The following PDLIM5 variants were observed in gnomAD, a reference collection of about 807,000 sequenced individuals.
PDLIM5 encodes PDZ and LIM domain 5.
In PDLIM5, 34 loss-of-function variants were observed where a neutral mutation model predicts 64.2. The ratio of observed to expected loss-of-function variants is 0.53; its 90% confidence interval spans 0.40 to 0.71. The LOEUF (loss-of-function observed/expected upper bound fraction) is 0.71. Ranked by LOEUF, PDLIM5 falls within the 30% of genes least tolerant of loss-of-function variation. The pLI is 0.00. For missense variants in PDLIM5, 683 were observed against 733.6 expected (o/e 0.93, Z 0.80); for synonymous variants, 253 against 269.1 (o/e 0.94, Z 0.59).
chr4:94,466,962 A>G (rs1269288377), intron 2 of PDLIM5, among the ~76,000 whole-genome samples: 1 of 152,234 alleles, frequency 6.6e-6, no homozygotes, highest in African/African-American at 2.4e-5. Flanking sequence ...TTTGTTTTAC[A>G]CCTCATGATA....
At chr4:94,584,667 C>G (rs1353917036) in intron 5 of PDLIM5, 2 of 290,470 alleles carry the variant, frequency 6.9e-6, no homozygotes, top group East Asian at 6.9e-5. Flanking sequence ...GGACCCTTTT[C>G]AAAATTGTAT....
rs543247121 is a variant in PDLIM5 at position 94,452,832 on chromosome 4, C to T, written c.-43+837C>T. Reference sequence around the variant, plus strand: ...CCGCCTGCCACGGAAACGGCCCGTTCGGTAGCCTTATTTGGCCAACAAGGC... The same window carrying T: ...CCGCCTGCCACGGAAACGGCCCGTTTGGTAGCCTTATTTGGCCAACAAGGC... On this transcript the variant is annotated intron_variant, in intron 1 of 12. Transcript: ENST00000317968. Among the ~76,000 whole-genome samples the T allele has an allele frequency of 1.4e-4, 22 of 152,264 alleles. No individual in the cohort carries two copies. The South Asian group carries it at 4.2e-3, about 29-fold the overall frequency.
intron 2 of PDLIM5, among the ~76,000 whole-genome samples, chr4:94,507,520 TA>T (rs1728492838): frequency 6.6e-6 from 1 of 152,174 alleles, no homozygotes; most frequent in Non-Finnish European, 1.5e-5. Context: ...CTCATATATA[TA>T]AGGCACTCAT....
chr4:94,632,776 A>G (rs906000452), intron 8 of PDLIM5, among the ~76,000 whole-genome samples: 1 of 152,168 alleles, frequency 6.6e-6, no homozygotes, highest in Non-Finnish European at 1.5e-5. Context: ...TGTGAAAACA[A>G]TTCAACCCAT....
intron 1 of PDLIM5, among the ~76,000 whole-genome samples, chr4:94,453,825 A>G (rs1395053172): frequency 6.6e-6 from 1 of 152,066 alleles, no homozygotes; most frequent in Admixed American, 6.5e-5. Flanking sequence ...GATCTTTTTT[A>G]GTGCTCTGTG....
chr4:94,519,310 T>C (rs1475024113), intron 2 of PDLIM5, among the ~76,000 whole-genome samples: 2 of 152,168 alleles, frequency 1.3e-5, no homozygotes, highest in Non-Finnish European at 2.9e-5. Flanking sequence ...TAAACAATAA[T>C]ATTGAGCATT....
intron 3 of PDLIM5, among the ~76,000 whole-genome samples, chr4:94,556,212 A>G (rs527955664): frequency 1.3e-5 from 2 of 152,226 alleles, no homozygotes; most frequent in Admixed American, 6.5e-5. Flanking sequence ...AGCTTCATCA[A>G]TGTCCCTACA....
intron 2 of PDLIM5, among the ~76,000 whole-genome samples, chr4:94,457,622 T>A (rs1723492559): frequency 6.6e-6 from 1 of 152,222 alleles, no homozygotes; most frequent in East Asian, 1.9e-4. Flanking sequence ...TATCACTTTG[T>A]TGTGTGGTAA....
chr4:94,512,025 A>G (rs1240978860), intron 2 of PDLIM5, among the ~76,000 whole-genome samples: 1 of 142,440 alleles, frequency 7.0e-6, no homozygotes, highest in Non-Finnish European at 1.5e-5. Flanking sequence ...CAGTGGCTCT[A>G]TTTTTTTTTT....
chr4:94,664,373 GAATA>G lies in PDLIM5; in HGVS notation c.*312_*315del, dbSNP rs1218166092. 3.5e-5 allele frequency: 25 copies of G among 709,166 alleles called. No homozygotes were observed. Among genetic ancestry groups the G allele is most frequent in the Non-Finnish European group, 3.8e-5 (22 of 574,462 alleles). The allele number at this position is 709,166 out of a possible 1,614,324, so 43.9% of individuals were successfully genotyped here. A position where few individuals can be genotyped will look rare whatever the true frequency, so the allele number is the denominator to read the frequency against. Reference sequence around the variant, plus strand: ...TAAATTAGTGAAGAATTTAATTTTAGAATAAATAATCCAATCTGAAATAATTATA... The same window carrying G: ...TAAATTAGTGAAGAATTTAATTTTAGAATAATCCAATCTGAAATAATTATA... On this transcript the variant is annotated 3_prime_UTR_variant, in exon 13 of 13. Coordinates refer to ENST00000317968, the MANE Select transcript of PDLIM5 (RefSeq NM_006457.5).
intron 9 of PDLIM5, among the ~76,000 whole-genome samples, chr4:94,653,776 A>T (rs1742015011): frequency 6.6e-6 from 1 of 152,180 alleles, no homozygotes; most frequent in Non-Finnish European, 1.5e-5. Flanking sequence ...AAGGGTTCTT[A>T]CCACAATAAA....
At chr4:94,546,368 C>A (rs905979679) in intron 3 of PDLIM5, among the ~76,000 whole-genome samples, 1 of 152,014 alleles carries the variant, frequency 6.6e-6, no homozygotes, top group Non-Finnish European at 1.5e-5. Flanking sequence ...CTCTTCCAAG[C>A]GGAATAGTTG....
At chr4:94,595,259 A>G (rs1429218243) in intron 7 of PDLIM5, among the ~76,000 whole-genome samples, 1 of 152,216 alleles carries the variant, frequency 6.6e-6, no homozygotes, top group Non-Finnish European at 1.5e-5. Context: ...AACCATATCA[A>G]TGGTTAAGAA....
At chr4:94,483,274 T>C (rs1248427308) in intron 2 of PDLIM5, among the ~76,000 whole-genome samples, 1 of 152,112 alleles carries the variant, frequency 6.6e-6, no homozygotes, top group African/African-American at 2.4e-5. Context: ...TTAGTGTTAA[T>C]TAAAAACATA....
At chr4:94,504,910 A>G (rs1263279345) in intron 2 of PDLIM5, among the ~76,000 whole-genome samples, 1 of 152,194 alleles carries the variant, frequency 6.6e-6, no homozygotes, top group African/African-American at 2.4e-5. Flanking sequence ...TTAGAGGATT[A>G]TTAGATTCCT....
At chr4:94,470,901 C>T (rs1724808880) in intron 2 of PDLIM5, among the ~76,000 whole-genome samples, 1 of 152,124 alleles carries the variant, frequency 6.6e-6, no homozygotes, top group Non-Finnish European at 1.5e-5. Flanking sequence ...CTCACAGTTC[C>T]ACATGGCTGG....
chr4:94,653,385 A>G (rs1024256732), intron 9 of PDLIM5, among the ~76,000 whole-genome samples: 1 of 152,162 alleles, frequency 6.6e-6, no homozygotes, highest in South Asian at 2.1e-4. Context: ...AAGCTGCTCT[A>G]TGAATATAAA....
rs1578183873 is a variant in PDLIM5, at chr4:94,455,178, A to G, written c.-42-69A>G. 1.1e-5 allele frequency: 7 copies of G among 645,942 alleles called. No individual in the cohort carries two copies. In the East Asian group the frequency reaches 1.4e-4, roughly 12 times the overall value. The allele number at this position is 645,942 out of a possible 1,614,324, so 40.0% of individuals were successfully genotyped here. ...TCCTCTCACCCCCCTCAAACAAAAT[A>G]CTAAACATAATTTATGTTCTAGGGT... On this transcript the variant is annotated intron_variant, in intron 1 of 12. Coordinates refer to ENST00000317968, the MANE Select transcript of PDLIM5 (RefSeq NM_006457.5).
At chr4:94,508,980 A>C (rs566553775) in intron 2 of PDLIM5, among the ~76,000 whole-genome samples, 1 of 152,184 alleles carries the variant, frequency 6.6e-6, no homozygotes, top group African/African-American at 2.4e-5. Flanking sequence ...TGCAGTACAT[A>C]CTTCTTTCCT....
Sources: gnomAD v4.1 joint callset for allele counts (sites outside exome capture counted in the v4.1 genomes callset) on GRCh38, gnomAD v4.1.1 for gene constraint, MANE v1.5 for transcripts, NCBI Gene and HGNC (gene_info 2026-07-23, HGNC 2026-07-21) for gene names.